The following ZFP1 variants were observed in gnomAD, a reference collection of about 807,000 sequenced individuals.
The protein encoded by ZFP1 is ZFP1 zinc finger protein, also known as zinc finger protein 1 homolog.
Under a neutral mutation model 38.5 loss-of-function variants are expected in ZFP1, and 32 were observed. The observed-to-expected ratio is 0.83, with a 90% CI of 0.63 to 1.12. The LOEUF (loss-of-function observed/expected upper bound fraction) is 1.12, where lower values mean the gene tolerates loss of function less well. ZFP1 is among the 50% of genes most tolerant of loss of function. ZFP1 has a pLI of 0.00. For missense variants in ZFP1, 616 were observed against 480.8 expected, an observed-to-expected ratio of 1.28 and a Z score of -2.63; for synonymous variants, 245 against 168.8, an observed-to-expected ratio of 1.45 and a Z score of -3.50.
intron 3 of ZFP1, 100 bp downstream of exon 3, chr16:75,166,996 G>A (rs1040142686): frequency 1.3e-6 from 2 of 1,522,042 alleles, no homozygotes; most frequent in Admixed American, 2.2e-5. Context: ...AATGTTTTTG[G>A]CCTAAGTCCT....
the ZFP1 span, among the ~76,000 whole-genome samples, chr16:75,123,213 G>A: frequency 6.6e-6 from 1 of 151,208 alleles, no homozygotes; most frequent in African/African-American, 2.4e-5. Flanking sequence ...AATTAGCTGG[G>A]CACAGTGGTG....
rs1226866185 is a variant in ZFP1, at chr16:75,170,592, TTGAA to T, written c.*264_*267del. 1.8e-5 allele frequency: 7 copies of T among 382,004 alleles called. No homozygotes were observed. Among genetic ancestry groups the T allele is most frequent in the East Asian group, 8.3e-5 (2 of 23,954 alleles). The allele number at this position is 382,004 out of a possible 1,614,324, so 23.7% of individuals were successfully genotyped here. A position where few individuals can be genotyped will look rare whatever the true frequency, so the allele number is the denominator to read the frequency against. On this transcript the variant is annotated 3_prime_UTR_variant, in exon 4 of 4. Coordinates refer to ENST00000570010, the MANE Select transcript of ZFP1 (RefSeq NM_153688.4). ...GTACTACAATGAGCTTTTTAAAATC[TTGAA>T]TGAATTGAGTATTCTAGACAGCAGC...
At chr16:75,151,120 A>G (rs1483540329) in intron 1 of ZFP1, among the ~76,000 whole-genome samples, 1 of 151,594 alleles carries the variant, frequency 6.6e-6, no homozygotes, top group Non-Finnish European at 1.5e-5. Context: ...TTGCCTCCCA[A>G]AGTGCTGGGT....
At chr16:75,164,883 G>A (rs777791622) in intron 2 of ZFP1, among the ~76,000 whole-genome samples, 3 of 151,562 alleles carry the variant, frequency 2.0e-5, no homozygotes, top group East Asian at 1.9e-4. Context: ...TCGACTTACC[G>A]CAACGTCCAC....
Position 75,169,241 on chromosome 16 carries a change from C to G in ZFP1, c.143-12C>G, listed in dbSNP as rs571824110. 73 of 1,591,994 alleles carry G rather than the reference C, an allele frequency of 4.6e-5. 2 individuals carry two copies. Among genetic ancestry groups the G allele is most frequent in the South Asian group, 4.0e-4 (35 of 87,692 alleles). Reference sequence around the variant, plus strand: ...TTGACAAGGTTCTTTTCATTGTGCTCTCTATTCCTAGAAGTGTGGAAGGCT... The same window carrying G: ...TTGACAAGGTTCTTTTCATTGTGCTGTCTATTCCTAGAAGTGTGGAAGGCT... On this transcript the variant is annotated splice_polypyrimidine_tract_variant and intron_variant, in intron 3 of 3. Coordinates refer to ENST00000570010, the MANE Select transcript of ZFP1 (RefSeq NM_153688.4).
the ZFP1 span, among the ~76,000 whole-genome samples, chr16:75,120,131 C>G: frequency 6.6e-6 from 1 of 152,036 alleles, no homozygotes; most frequent in Admixed American, 6.6e-5. Flanking sequence ...CGAAGATGTG[C>G]ATGTGTATGT....
the ZFP1 span, among the ~76,000 whole-genome samples, chr16:75,131,342 A>G: frequency 6.6e-6 from 1 of 152,104 alleles, no homozygotes; most frequent in African/African-American, 2.4e-5. Flanking sequence ...AGGTAGGTGA[A>G]AGAAAAGACT....
the ZFP1 span, chr16:75,126,202 T>C: frequency 6.6e-6 from 1 of 152,142 alleles, no homozygotes. Flanking sequence ...CAGGCTGGAG[T>C]GCAGTGGCAC....
At chr16:75,145,247 G>A (rs2036930399), upstream of ZFP1, among the ~76,000 whole-genome samples, 1 of 152,176 alleles carries the variant, frequency 6.6e-6, no homozygotes, top group Non-Finnish European at 1.5e-5. Context: ...CTATTAGAAT[G>A]GCCAAAATTC....
chr16:75,141,822 G>A, the ZFP1 span, among the ~76,000 whole-genome samples: 1 of 150,550 alleles, frequency 6.6e-6, no homozygotes, highest in East Asian at 2.0e-4. Flanking sequence ...AGACTGAGGC[G>A]AGTGGATCAT....
chr16:75,170,491 A>G lies in ZFP1; in HGVS notation c.*157A>G. 2 of 1,105,496 alleles carry G rather than the reference A, an allele frequency of 1.8e-6. No individual in the cohort carries two copies. Among genetic ancestry groups the G allele is most frequent in the Non-Finnish European group, 2.4e-6 (2 of 830,064 alleles). 68.5% of individuals were successfully genotyped at this position (1,105,496 alleles called of 1,614,324 possible). On this transcript the variant is annotated 3_prime_UTR_variant, in exon 4 of 4. Coordinates refer to ENST00000570010, the MANE Select transcript of ZFP1 (RefSeq NM_153688.4). ...AAATAGGATCCCATGAGAACATTAT[A>G]CTGGAAGTTACATGTGATACCCAGC...
rs778727390 is a variant in ZFP1 at position 75,166,769 on chromosome 16, G to C, written c.16-1G>C. The C allele has an allele frequency of 1.2e-6, 2 of 1,614,132 alleles. No individual in the cohort carries two copies. On this transcript the variant is annotated splice_acceptor_variant, in intron 2 of 3. Transcript: ENST00000570010. LOFTEE classifies it high-confidence loss of function. ...GGATGAATAACAATATGCCATTTCA[G>C]GGATCAGTTTCATTCACGGATGTGA...
the ZFP1 span, among the ~76,000 whole-genome samples, chr16:75,130,315 A>T: frequency 6.6e-6 from 1 of 151,996 alleles, no homozygotes; most frequent in African/African-American, 2.4e-5. Flanking sequence ...TTGGAGTTTT[A>T]TATGGTGGCA....
chr16:75,151,047 C>T (rs562211173), intron 1 of ZFP1, among the ~76,000 whole-genome samples: 3 of 152,054 alleles, frequency 2.0e-5, no homozygotes, highest in Non-Finnish European at 2.9e-5. Flanking sequence ...TTTGTAGAGA[C>T]GAGGTTTTGC....
At chr16:75,151,755 A>T (rs1046577636) in intron 1 of ZFP1, among the ~76,000 whole-genome samples, 3 of 131,282 alleles carry the variant, frequency 2.3e-5, no homozygotes, top group African/African-American at 8.0e-5. Flanking sequence ...TATTGTGTTG[A>T]TCCTCATTTT....
At chr16:75,121,198 T>C in the ZFP1 span, among the ~76,000 whole-genome samples, 114 of 151,716 alleles carry the variant, frequency 7.5e-4, no homozygotes, top group African/African-American at 2.7e-3. Flanking sequence ...AGAGTCTCGC[T>C]GTCACCCAGG....
the ZFP1 span, among the ~76,000 whole-genome samples, chr16:75,119,900 C>G: frequency 3.4e-5 from 5 of 146,254 alleles, no homozygotes; most frequent in African/African-American, 5.0e-5. Context: ...AAACAGCCAG[C>G]AAAAGGAAAA....
At chr16:75,158,987 C>G (rs999603757) in intron 2 of ZFP1, among the ~76,000 whole-genome samples, 15 of 150,644 alleles carry the variant, frequency 1.0e-4, no homozygotes, top group Admixed American at 6.6e-5. Flanking sequence ...ACCTCTGCCT[C>G]CCAGGCTCAA....
chr16:75,139,379 A>AC, the ZFP1 span, among the ~76,000 whole-genome samples: 5 of 148,052 alleles, frequency 3.4e-5, no homozygotes, highest in African/African-American at 7.6e-5. Flanking sequence ...AAAAAAAAAA[A>AC]AAAAAAAAAA....
Sources: gnomAD v4.1 joint callset for allele counts (sites outside exome capture counted in the v4.1 genomes callset) on GRCh38, gnomAD v4.1.1 for gene constraint, MANE v1.5 for transcripts, NCBI Gene and HGNC (gene_info 2026-07-23, HGNC 2026-07-21) for gene names.